The following STK3 variants were observed in gnomAD, a reference collection of about 807,000 sequenced individuals.
STK3 encodes serine/threonine-protein kinase 3.
Under a neutral mutation model 58.0 loss-of-function variants are expected in STK3, and 41 were observed. That is an observed-to-expected ratio of 0.71 (90% confidence interval 0.55 to 0.92). The LOEUF (loss-of-function observed/expected upper bound fraction) is 0.92. Among genes scored for constraint, STK3 ranks in the 40% least tolerant of loss-of-function variants. The pLI is 0.00. For missense variants in STK3, 479 were observed against 602.7 expected, an observed-to-expected ratio of 0.79 and a Z score of 2.15; for synonymous variants, 170 against 191.0, an observed-to-expected ratio of 0.89 and a Z score of 0.91.
chr8:98,581,287 G>C (rs1813860370), intron 7 of STK3, among the ~76,000 whole-genome samples: 1 of 152,170 alleles, frequency 6.6e-6, no homozygotes, highest in South Asian at 2.1e-4. Flanking sequence ...GATTGGCGAT[G>C]AAAGTCCTGA....
rs142771165 is a variant in STK3, at chr8:98,599,120, C to T, written c.685-2951G>A. The stretch of plus-strand genomic sequence containing the variant: ...TGCCAGAATAACAAAGAAATTCATG[C>T]TATTATTTAAGAACCTCAGATATAT... On this transcript the variant is annotated intron_variant, in intron 6 of 10. Transcript: ENST00000419617. Among the ~76,000 whole-genome samples, 281 of 152,202 alleles carry T rather than the reference C, an allele frequency of 1.8e-3. 1 individual carries two copies. The highest frequency in any genetic ancestry group is 6.4e-3 in the African/African-American group (266 of 41,538).
intron 6 of STK3, among the ~76,000 whole-genome samples, chr8:98,652,333 A>G (rs1035547824): frequency 2.4e-4 from 37 of 152,190 alleles, no homozygotes; most frequent in African/African-American, 7.7e-4. Context: ...TGAAGGAAGC[A>G]CTAAACATGG....
chr8:98,579,825 G>T (rs1004694874), intron 7 of STK3, 36 bp from the exon 8 acceptor site: 8 of 1,528,206 alleles, frequency 5.2e-6, no homozygotes, highest in African/African-American at 4.2e-5. Flanking sequence ...AAATTCAAAA[G>T]ATTTTTCCGA....
chr8:98,540,998 C>A (rs1199310788), intron 9 of STK3, among the ~76,000 whole-genome samples: 1 of 152,174 alleles, frequency 6.6e-6, no homozygotes, highest in Non-Finnish European at 1.5e-5. Flanking sequence ...TGATTTCAAT[C>A]TGTATTACTG....
intron 1 of STK3, among the ~76,000 whole-genome samples, chr8:98,794,677 C>A (rs1188708705): frequency 6.6e-6 from 1 of 152,066 alleles, no homozygotes; most frequent in Non-Finnish European, 1.5e-5. Context: ...GGATGCATCA[C>A]CCTGATACGA....
chr8:98,660,343 T>C (rs1294229601), intron 6 of STK3, among the ~76,000 whole-genome samples: 2 of 152,116 alleles, frequency 1.3e-5, no homozygotes, highest in South Asian at 2.1e-4. Context: ...GCAGATCTGC[T>C]GTACAACAAT....
intron 3 of STK3, among the ~76,000 whole-genome samples, chr8:98,422,850 C>A (rs940607185): frequency 3.3e-5 from 5 of 152,208 alleles, no homozygotes; most frequent in Admixed American, 6.5e-5. Context: ...TTGGCTCCAC[C>A]CTGGAATCAT....
chr8:98,646,005 G>A (rs1039915789), intron 6 of STK3, among the ~76,000 whole-genome samples: 2 of 152,132 alleles, frequency 1.3e-5, no homozygotes, highest in Non-Finnish European at 2.9e-5. Flanking sequence ...TCAAGAAAAT[G>A]AAAATTGCAC....
upstream of STK3, among the ~76,000 whole-genome samples, chr8:98,389,316 T>C (rs1469635894): frequency 6.6e-6 from 1 of 152,226 alleles, no homozygotes; most frequent in African/African-American, 2.4e-5. Flanking sequence ...ATGACATTTC[T>C]GGGTAAATTC....
At chr8:98,810,182 A>G (rs1834125243) in intron 1 of STK3, among the ~76,000 whole-genome samples, 2 of 152,152 alleles carry the variant, frequency 1.3e-5, no homozygotes, top group Non-Finnish European at 1.5e-5. Context: ...TCATGATCCA[A>G]TCACCTCCCA....
chr8:98,757,204 A>G (rs1055248299), intron 3 of STK3, among the ~76,000 whole-genome samples: 1 of 151,118 alleles, frequency 6.6e-6, no homozygotes, highest in Non-Finnish European at 1.5e-5. Context: ...TTTTTGAGAC[A>G]GAGTCTCGCT....
chr8:98,410,682 T>G (rs1391232060), intron 3 of STK3, among the ~76,000 whole-genome samples: 1 of 152,210 alleles, frequency 6.6e-6, no homozygotes, highest in East Asian at 1.9e-4. Flanking sequence ...AGTATGTCTA[T>G]GATATGACCC....
chr8:98,752,403 C>T (rs573498365), intron 3 of STK3, among the ~76,000 whole-genome samples: 4 of 152,210 alleles, frequency 2.6e-5, no homozygotes, highest in African/African-American at 7.2e-5. Context: ...TAGCCATATG[C>T]GGAAGATTGA....
chr8:98,493,769 G>C (rs143772394), intron 10 of STK3, among the ~76,000 whole-genome samples: 156 of 152,252 alleles, frequency 1.0e-3, no homozygotes, highest in Non-Finnish European at 1.7e-3. Flanking sequence ...CTGAATGTCT[G>C]ATGGTACTTA....
At position 98,814,263 on chromosome 8, in the gene STK3, C is replaced by T. The variant is rs1446112002; in HGVS notation, c.26+11252G>A. ...ACAGGGTTTCACCATGTTGGTCAGG[C>T]TGGTCTCGAACTCCTGACCTCAGGT... On this transcript the variant is annotated intron_variant, in intron 1 of 10. Transcript: ENST00000419617. Among the ~76,000 whole-genome samples the T allele has an allele frequency of 2.6e-5, 4 of 151,732 alleles. No homozygotes were observed. In the East Asian group the frequency reaches 7.7e-4, roughly 29 times the overall value.
chr8:98,517,725 G>A (rs1825040916), intron 10 of STK3, among the ~76,000 whole-genome samples: 1 of 151,908 alleles, frequency 6.6e-6, no homozygotes, highest in Non-Finnish European at 1.5e-5. Context: ...AAACTTTTTT[G>A]AAATCGAATG....
chr8:98,523,897 T>A (rs1825562815), intron 10 of STK3, among the ~76,000 whole-genome samples: 1 of 152,246 alleles, frequency 6.6e-6, no homozygotes, highest in Admixed American at 6.5e-5. Context: ...TTGTTACTTG[T>A]TTTTAGTGTC....
chr8:98,855,976 G>C (rs1004875533), intron 3 of STK3, among the ~76,000 whole-genome samples: 11 of 152,106 alleles, frequency 7.2e-5, no homozygotes, highest in Non-Finnish European at 1.3e-4. Context: ...GGCCAACGTG[G>C]CAAAACTCCG....
At chr8:98,435,580 G>A (rs1374315065) in intron 2 of STK3, among the ~76,000 whole-genome samples, 1 of 152,118 alleles carries the variant, frequency 6.6e-6, no homozygotes, top group Non-Finnish European at 1.5e-5. Flanking sequence ...GTGGGGAGGA[G>A]GGGCAGTGCA....
Sources: allele counts gnomAD v4.1 joint callset (sites outside exome capture counted in the v4.1 genomes callset), GRCh38; gene constraint gnomAD v4.1.1; transcripts MANE v1.5; gene names NCBI Gene and HGNC (gene_info 2026-07-23, HGNC 2026-07-21).